The following RTKN2 variants were observed in gnomAD, a reference collection of about 807,000 sequenced individuals.
RTKN2 encodes rhotekin 2.
In RTKN2, 69 loss-of-function variants were observed where a neutral mutation model predicts 71.5. The observed-to-expected ratio is 0.96, with a 90% CI of 0.79 to 1.18. RTKN2 has a LOEUF of 1.18. Ranked by LOEUF, RTKN2 falls within the 50% of genes most tolerant of loss-of-function variation. The pLI is 0.00. For synonymous variants in RTKN2, 236 were observed against 236.5 expected (o/e 1.00, Z 0.02); for missense variants, 724 against 719.7 (o/e 1.01, Z -0.07).
At chr10:62,238,792 G>C (rs1842311273) in intron 5 of RTKN2, 1 of 151,880 alleles carries the variant, frequency 6.6e-6, no homozygotes, top group African/African-American at 2.4e-5. Flanking sequence ...AATGTTATGT[G>C]AGTGGCAAAA....
chr10:62,215,736 T>G (rs1841756212), intron 9 of RTKN2, among the ~76,000 whole-genome samples: 1 of 152,012 alleles, frequency 6.6e-6, no homozygotes, highest in Non-Finnish European at 1.5e-5. Flanking sequence ...AAAGTCTAGA[T>G]GAATGGTATA....
chr10:62,241,864 A>T (rs899008482), intron 3 of RTKN2, among the ~76,000 whole-genome samples: 1 of 152,044 alleles, frequency 6.6e-6, no homozygotes, highest in Non-Finnish European at 1.5e-5. Context: ...ACGCCTGGCT[A>T]ATTTTTTTCT....
chr10:62,204,325 A>G (rs1841505353), intron 10 of RTKN2, among the ~76,000 whole-genome samples: 2 of 152,130 alleles, frequency 1.3e-5, no homozygotes, highest in Non-Finnish European at 2.9e-5. Context: ...ATTACCATAC[A>G]TTGTTTTTAT....
downstream of RTKN2, among the ~76,000 whole-genome samples, chr10:62,192,673 G>A (rs1356211840): frequency 6.6e-6 from 1 of 152,166 alleles, no homozygotes; most frequent in East Asian, 1.9e-4. Flanking sequence ...CACTGTTGCT[G>A]ACTTTGAAGA....
chr10:62,200,347 A>T (rs1199534435), intron 10 of RTKN2, among the ~76,000 whole-genome samples: 1 of 134,984 alleles, frequency 7.4e-6, no homozygotes, highest in African/African-American at 2.7e-5. Context: ...TGGGCAACAG[A>T]GAGAGACTCC....
chr10:62,246,114 A>C (rs1194222333), intron 2 of RTKN2, 57 bp from the exon 3 acceptor site: 5 of 1,115,140 alleles, frequency 4.5e-6, no homozygotes, highest in Admixed American at 4.4e-5. Context: ...CAATTATTTT[A>C]ACAGTGTTTC....
At chr10:62,259,913 T>A (rs1254095035) in intron 2 of RTKN2, among the ~76,000 whole-genome samples, 2 of 152,216 alleles carry the variant, frequency 1.3e-5, no homozygotes, top group Non-Finnish European at 2.9e-5. Context: ...ACTCTATCCA[T>A]CCTTCACAAT....
At chr10:62,188,888 C>T (rs1221587066), downstream of RTKN2, among the ~76,000 whole-genome samples, 1 of 151,796 alleles carries the variant, frequency 6.6e-6, no homozygotes, top group Non-Finnish European at 1.5e-5. Flanking sequence ...GCTGGGACTA[C>T]AGGCGCTTGC....
chr10:62,247,395 G>A lies in RTKN2; in HGVS notation c.258-1338C>T, dbSNP rs376810252. On this transcript the variant is annotated intron_variant, in intron 2 of 11. Coordinates refer to ENST00000373789, the MANE Select transcript of RTKN2 (RefSeq NM_145307.4). ...TACGTTTATATGAGATATTTACATA[G>A]TATTTATAGAATTATACATTAGGTA... 2.5e-4 allele frequency among the ~76,000 whole-genome samples: 38 copies of A among 151,898 alleles called. No individual in the cohort carries two copies. The South Asian group carries it at 7.7e-3, about 31-fold the overall frequency.
intron 2 of RTKN2, among the ~76,000 whole-genome samples, chr10:62,247,408 T>G (rs1174215060): frequency 6.6e-6 from 1 of 151,982 alleles, no homozygotes; most frequent in Non-Finnish European, 1.5e-5. Flanking sequence ...TTTATAGAAT[T>G]ATACATTAGG....
Position 62,262,612 on chromosome 10 carries a change from C to G in RTKN2, c.257+13G>C, listed in dbSNP as rs1394647302. Reference sequence around the variant, plus strand: ...AAGTACATTAAAAGCCACAGGTAAACTATGTTACTAACCATCTTCCAGTCT... The same window carrying G: ...AAGTACATTAAAAGCCACAGGTAAAGTATGTTACTAACCATCTTCCAGTCT... On this transcript the variant is annotated intron_variant, in intron 2 of 11. Coordinates refer to ENST00000373789, the MANE Select transcript of RTKN2 (RefSeq NM_145307.4). 1 of 1,560,824 alleles carries G rather than the reference C, an allele frequency of 6.4e-7. No individual in the cohort carries two copies.
In RTKN2 at chr10:62,195,424, G is replaced by A. The variant is rs1361771437; in HGVS notation, c.*2484C>T. On this transcript the variant is annotated 3_prime_UTR_variant, in exon 12 of 12. Coordinates refer to ENST00000373789, the MANE Select transcript of RTKN2 (RefSeq NM_145307.4). ...AAACAATTCTTTTGAAACACTCTTT[G>A]ACACAGTGCTTAACTATTTTTAGAT... The A allele has an allele frequency of 2.0e-6, 2 of 981,856 alleles. No homozygotes were observed. The highest frequency in any genetic ancestry group is 2.4e-6 in the Non-Finnish European group (2 of 827,006). 60.8% of individuals were successfully genotyped at this position (981,856 alleles called of 1,614,324 possible). A position where few individuals can be genotyped will look rare whatever the true frequency, so the allele number is the denominator to read the frequency against.
rs552553005 is a variant in RTKN2 at position 62,262,721 on chromosome 10, G to T, written c.161C>A (p.Ala54Glu). 1 of 1,612,736 alleles carries T rather than the reference G, an allele frequency of 6.2e-7. No homozygotes were observed. The highest frequency in any genetic ancestry group is 2.2e-5 in the East Asian group (1 of 44,842). ...LSTQKDQVLHAVKNLMVCNAR... is the reference protein window; with the variant it reads ...LSTQKDQVLHEVKNLMVCNAR... ...ATTGCACACCATGAGATTCTTAACT[G>T]CATGTAAAACTTGATCTTTCTGAGT... The change falls in exon 2 of 12, where the codon GCA (alanine) becomes GAA (glutamate). Residue 54 changes from alanine to glutamate, a missense_variant. Coordinates refer to ENST00000373789, the MANE Select transcript of RTKN2 (RefSeq NM_145307.4).
intron 6 of RTKN2, among the ~76,000 whole-genome samples, chr10:62,225,867 C>T (rs554778870): frequency 2.6e-5 from 4 of 151,786 alleles, no homozygotes; most frequent in East Asian, 1.9e-4. Flanking sequence ...CTGCAAGCTC[C>T]GCCTTCCGGG....
chr10:62,262,228 A>G (rs779724898), intron 2 of RTKN2, among the ~76,000 whole-genome samples: 3 of 152,146 alleles, frequency 2.0e-5, no homozygotes, highest in Non-Finnish European at 4.4e-5. Flanking sequence ...TTATCTCTTT[A>G]TAATTTTGCT....
chr10:62,239,669 C>A lies in RTKN2; in HGVS notation c.467G>T (p.Cys156Phe). The A allele has an allele frequency of 6.7e-7, 1 of 1,491,922 alleles. No individual in the cohort carries two copies. Among genetic ancestry groups the A allele is most frequent in the South Asian group, 1.2e-5 (1 of 80,696 alleles). 92.4% of individuals were successfully genotyped at this position (1,491,922 alleles called of 1,614,324 possible). Residue 156 changes from cysteine to phenylalanine, a missense_variant, in exon 5 of 12, where the codon TGT (cysteine) becomes TTT (phenylalanine). Coordinates refer to ENST00000373789, the MANE Select transcript of RTKN2 (RefSeq NM_145307.4). ...VNVDKTITDI[C>F]FENVTIFNEA... is the part of the protein sequence containing the mutation. ...TTACAATATGGTTACATTTTCAAAA[C>A]ATATATCTGTGATTGTTTTATCCAC...
intron 2 of RTKN2, among the ~76,000 whole-genome samples, chr10:62,252,991 C>A (rs1421691742): frequency 2.6e-5 from 4 of 151,964 alleles, no homozygotes; most frequent in Non-Finnish European, 5.9e-5. Context: ...AAGAATATTA[C>A]AGTGGCTGAA....
intron 3 of RTKN2, among the ~76,000 whole-genome samples, chr10:62,243,388 C>T (rs1245506173): frequency 2.6e-5 from 4 of 152,042 alleles, no homozygotes; most frequent in Non-Finnish European, 5.9e-5. Flanking sequence ...AAGTCCACTT[C>T]TTCTTGCTTG....
intron 8 of RTKN2, among the ~76,000 whole-genome samples, chr10:62,186,052 A>G (rs575312261): frequency 1.3e-5 from 2 of 152,338 alleles, no homozygotes; most frequent in East Asian, 3.9e-4. Context: ...CTAGGATTTG[A>G]ACCCAGGACA....
Sources: allele counts gnomAD v4.1 joint callset (sites outside exome capture counted in the v4.1 genomes callset), GRCh38; gene constraint gnomAD v4.1.1; transcripts MANE v1.5; gene names NCBI Gene and HGNC (gene_info 2026-07-23, HGNC 2026-07-21).